DHX29: variants seen among roughly 807,000 people sequenced by gnomAD.
DHX29 encodes the protein DExH-box helicase 29, also known as ATP-dependent RNA helicase DHX29.
A neutral mutation model predicts 167.9 loss-of-function variants in DHX29; 79 were observed. That is an observed-to-expected ratio of 0.47 (90% CI 0.39 to 0.57). DHX29 has a LOEUF of 0.57. DHX29 is among the 20% of genes least tolerant of loss of function. The probability of loss-of-function intolerance (pLI) is 0.00; values close to 1 mark genes in which losing one functional copy is unlikely to be tolerated. For synonymous variants in DHX29, 530 were observed against 546.0 expected, an observed-to-expected ratio of 0.97 and a Z score of 0.41; for missense variants, 1,347 against 1,593.4, an observed-to-expected ratio of 0.85 and a Z score of 2.63.
chr5:55,264,677 C>A (rs13154985), intron 23 of DHX29, among the ~76,000 whole-genome samples: 8,979 of 152,180 alleles, frequency 0.059, 469 homozygotes, highest in African/African-American at 0.12. Flanking sequence ...AAATTAACAT[C>A]TGTAGAGAAC....
In DHX29 at chr5:55,274,731, T is replaced by C. The variant is rs1311229602; in HGVS notation, c.2573A>G (p.Asp858Gly). The C allele has an allele frequency of 5.7e-6, 9 of 1,581,058 alleles. No individual in the cohort carries two copies. Among genetic ancestry groups the C allele is most frequent in the Non-Finnish European group, 7.7e-6 (9 of 1,169,632 alleles). Residue 858 changes from aspartate (D) to glycine (G), a missense_variant and splice_region_variant, in exon 16 of 27, where the codon GAT becomes GGT. Asp to Gly is a moderately conservative substitution (Grantham distance 94). This residue lies in a region of DHX29 where 882 missense variants were observed against 1,082.4 expected (regional missense o/e 0.81). Transcript: ENST00000251636. The stretch of plus-strand genomic sequence containing the variant: ...AATATTTCTGAATTGGGGACTTTTA[T>C]CTGAAATTTTTAAAAAGATACAATA... Reference protein sequence around the residue: ...DLILELLAYLDKSPQFRNIEG... With the variant: ...DLILELLAYLGKSPQFRNIEG...
chr5:55,301,239 CA>C (rs1246720045), intron 1 of DHX29, among the ~76,000 whole-genome samples: 1 of 152,174 alleles, frequency 6.6e-6, no homozygotes, highest in East Asian at 1.9e-4. Context: ...TCTGCCGTAA[CA>C]TTACACATCA....
At chr5:55,261,291 A>C in intron 25 of DHX29, 77 bp downstream of exon 25, 1 of 711,260 alleles carries the variant, frequency 1.4e-6, no homozygotes, top group Non-Finnish European at 2.3e-6. Flanking sequence ...AACTCCAATA[A>C]AATTTAAAAA....
intron 8 of DHX29, 93 bp downstream of exon 8, chr5:55,289,177 G>A: frequency 7.4e-7 from 1 of 1,347,294 alleles, no homozygotes; most frequent in Non-Finnish European, 9.6e-7. Flanking sequence ...TACGTACTTT[G>A]CCAGAATGCA....
At chr5:55,286,099 A>G (rs1747710994) in intron 8 of DHX29, among the ~76,000 whole-genome samples, 1 of 152,014 alleles carries the variant, frequency 6.6e-6, no homozygotes, top group Non-Finnish European at 1.5e-5. Context: ...CTAAAAGTAC[A>G]AAAAAATTAT....
Position 55,277,117 on chromosome 5 carries a change from A to C in DHX29, c.2275T>G (p.Tyr759Asp). Reference sequence around the variant, plus strand: ...TAAAGAAAACTTACCTCAACAGGATAACTTCTTCCTGAAATTCTGAGAATG... The same window carrying C: ...TAAAGAAAACTTACCTCAACAGGATCACTTCTTCCTGAAATTCTGAGAATG... ...CPILRISGRSYPVEVFHLEDI... is the reference protein window; with the variant it reads ...CPILRISGRSDPVEVFHLEDI... The change falls in exon 13 of 27, where the codon TAT (tyrosine) becomes GAT (aspartate). Residue 759 changes from tyrosine (Y) to aspartate (D), a missense_variant. Physicochemically the swap from Tyr to Asp is radical, Grantham distance 160. Transcript: ENST00000251636. The C allele has an allele frequency of 6.2e-7, 1 of 1,609,174 alleles. No individual in the cohort carries two copies. Among genetic ancestry groups the C allele is most frequent in the Non-Finnish European group, 8.5e-7 (1 of 1,178,326 alleles).
chr5:55,277,345 G>A (rs1747170016), intron 12 of DHX29, 63 bp from the exon 13 acceptor site: 1 of 1,094,654 alleles, frequency 9.1e-7, no homozygotes, highest in Admixed American at 2.5e-5. Flanking sequence ...TAAGAGGCTT[G>A]AACAATCAGA....
chr5:55,281,492 G>T lies in DHX29; in HGVS notation c.1989C>A (p.Ile663=). 1 of 1,597,314 alleles carries T rather than the reference G, an allele frequency of 6.3e-7. No individual in the cohort carries two copies. Among genetic ancestry groups the T allele is most frequent in the Non-Finnish European group, 8.5e-7 (1 of 1,172,132 alleles). ...ATTCACAAGCTCGAGATTCCATCCGGATCTGATATCCACACAAGGAATTCT... is the reference window on the plus strand; with the variant it reads ...ATTCACAAGCTCGAGATTCCATCCGTATCTGATATCCACACAAGGAATTCT... ...GGRNSLCGYQ[I]RMESRACEST... The change falls in exon 12 of 27, where the codon ATC becomes ATA. Residue 663 remains isoleucine, a synonymous_variant. Coordinates refer to ENST00000251636, the MANE Select transcript of DHX29 (RefSeq NM_019030.4).
chr5:55,256,564 C>T, intron 26 of DHX29, 24 bp from the exon 27 acceptor site: 1 of 1,565,358 alleles, frequency 6.4e-7, no homozygotes, highest in Non-Finnish European at 8.6e-7. Context: ...AAAAAAAAAG[C>T]CACGAATAAA....
intron 21 of DHX29, 110 bp downstream of exon 21, chr5:55,269,303 A>G (rs1746734546): frequency 5.2e-6 from 5 of 966,744 alleles, no homozygotes; most frequent in Non-Finnish European, 7.7e-6. Flanking sequence ...ATGTTCGTAT[A>G]GACATTCTAT....
chr5:55,282,959 T>C (rs1208789961), intron 11 of DHX29: 2 of 312,300 alleles, frequency 6.4e-6, no homozygotes, highest in Admixed American at 4.4e-5. Flanking sequence ...TCAATTATTA[T>C]AGTTAATATA....
At chr5:55,264,959 C>T (rs1746482166) in intron 23 of DHX29, among the ~76,000 whole-genome samples, 1 of 152,028 alleles carries the variant, frequency 6.6e-6, no homozygotes, top group African/African-American at 2.4e-5. Flanking sequence ...AACAATAGGT[C>T]CGAGTGTTAT....
Position 55,290,473 on chromosome 5 carries a change from T to C in DHX29, c.781-129A>G, listed in dbSNP as rs1173123905. 3.5e-6 allele frequency: 4 copies of C among 1,159,210 alleles called. No homozygotes were observed. In the East Asian group the frequency reaches 1.0e-4, roughly 30 times the overall value. The allele number at this position is 1,159,210 out of a possible 1,614,324, so 71.8% of individuals were successfully genotyped here. On this transcript the variant is annotated intron_variant, in intron 6 of 26. Coordinates refer to ENST00000251636, the MANE Select transcript of DHX29 (RefSeq NM_019030.4). ...TCCTTTGATCCAGCAAATCTACTTT[T>C]AGGAATTTTTCATAGAGAAATAAAA...
At chr5:55,306,327 T>G (rs1748858110) in intron 1 of DHX29, among the ~76,000 whole-genome samples, 1 of 152,198 alleles carries the variant, frequency 6.6e-6, no homozygotes, top group Non-Finnish European at 1.5e-5. Flanking sequence ...TGATGTTCAT[T>G]ACGCCCGCCT....
chr5:55,271,032 A>C (rs1746831098), intron 18 of DHX29, among the ~76,000 whole-genome samples: 1 of 152,250 alleles, frequency 6.6e-6, no homozygotes, highest in Admixed American at 6.5e-5. Context: ...GAGAAGTGTT[A>C]CTGTGAACAT....
intron 26 of DHX29, among the ~76,000 whole-genome samples, chr5:55,259,484 C>T (rs531173150): frequency 7.0e-4 from 107 of 152,134 alleles, no homozygotes; most frequent in Middle Eastern, 6.8e-3. Context: ...GATGGAGTTT[C>T]GCTCTTGTCG....
chr5:55,286,273 A>C (rs1561158262), intron 8 of DHX29, among the ~76,000 whole-genome samples: 1 of 151,828 alleles, frequency 6.6e-6, no homozygotes, highest in Non-Finnish European at 1.5e-5. Flanking sequence ...AAAAAAGAAC[A>C]GGTGAAGAAA....
chr5:55,299,367 G>A (rs76236434), intron 1 of DHX29, among the ~76,000 whole-genome samples: 9,098 of 152,174 alleles, frequency 0.06, 487 homozygotes, highest in African/African-American at 0.12. Context: ...CTTGAAGGTG[G>A]TATGCTAAGT....
At chr5:55,297,892 A>G (rs1748402265) in intron 2 of DHX29, among the ~76,000 whole-genome samples, 1 of 152,228 alleles carries the variant, frequency 6.6e-6, no homozygotes, top group African/African-American at 2.4e-5. Flanking sequence ...CCTACTAGCC[A>G]TTTTATTTTC....
Sources: gnomAD v4.1 joint callset for allele counts (sites outside exome capture counted in the v4.1 genomes callset) on GRCh38, gnomAD v4.1.1 for gene constraint, gnomAD v4.1.1 regional missense constraint, MANE v1.5 for transcripts, NCBI Gene and HGNC (gene_info 2026-07-23, HGNC 2026-07-21) for gene names.